PPRC1: variants seen among roughly 807,000 people sequenced by gnomAD.
PPRC1 encodes PPARG related coactivator 1, also known as peroxisome proliferator-activated receptor gamma coactivator-related protein 1.
In PPRC1, 23 loss-of-function variants were observed where a neutral mutation model predicts 132.5. That is an observed-to-expected ratio of 0.17 (90% confidence interval 0.12 to 0.25). The LOEUF is 0.25. Ranked by LOEUF, PPRC1 falls within the 10% of genes least tolerant of loss-of-function variation. PPRC1 has a pLI of 1.00. For missense variants in PPRC1, 2,006 were observed against 2,089.1 expected, an observed-to-expected ratio of 0.96 and a Z score of 0.78; for synonymous variants, 872 against 833.5, an observed-to-expected ratio of 1.05 and a Z score of -0.80.
intron 8 of PPRC1, 84 bp from the exon 9 acceptor site, chr10:102,146,588 G>A (rs1157650263): frequency 2.0e-6 from 3 of 1,483,020 alleles, no homozygotes; most frequent in Non-Finnish European, 2.7e-6. Flanking sequence ...ATGAGGTGGG[G>A]GTCTCTGGAG....
the PPRC1 span, chr10:102,120,054 G>C: frequency 3.5e-6 from 5 of 1,424,728 alleles, no homozygotes; most frequent in Non-Finnish European, 4.7e-6. Context: ...GGCTGGGCAG[G>C]AAGGGGCCGA....
rs1236923238 is a variant in PPRC1 at position 102,150,160 on chromosome 10, TA to T, written c.*137del. On this transcript the variant is annotated 3_prime_UTR_variant, in exon 14 of 14. Coordinates refer to ENST00000278070, the MANE Select transcript of PPRC1 (RefSeq NM_015062.5). ...TATAAAGAAATGGAAAAAAGTGAAA[TA>T]AAAAATATGTTGAATCAGATTTTTT... is the stretch of plus-strand genomic sequence containing the variant. 1.5e-6 allele frequency: 1 copy of T among 663,508 alleles called. No individual in the cohort carries two copies. The highest frequency in any genetic ancestry group is 2.6e-6 in the Non-Finnish European group (1 of 384,318). The allele number at this position is 663,508 out of a possible 1,614,324, so 41.1% of individuals were successfully genotyped here.
intron 7 of PPRC1, 114 bp downstream of exon 7, chr10:102,144,421 A>T: frequency 9.9e-7 from 1 of 1,010,574 alleles, no homozygotes; most frequent in Non-Finnish European, 1.5e-6. Context: ...TCAGCTCTAG[A>T]GTCTTTCCCT....
Position 102,140,115 on chromosome 10 carries a change from G to A in PPRC1, c.1607G>A (p.Ser536Asn). 1 of 1,614,258 alleles carries A rather than the reference G, an allele frequency of 6.2e-7. No homozygotes were observed. The highest frequency in any genetic ancestry group is 8.5e-7 in the Non-Finnish European group (1 of 1,180,050). ...RAWAAALENS[S>N]PKNLERSAGQ... ...TGGGCAGCTGCCTTGGAGAATTCTA[G>A]CCCTAAGAACTTGGAGAGAAGTGCT... The change falls in exon 5 of 14, where the codon AGC becomes AAC. Residue 536 changes from serine (S) to asparagine (N), a missense_variant. Ser to Asn is a conservative substitution (Grantham distance 46). Around this residue, in one of 2 missense-constraint regions of PPRC1, gnomAD observed 1,914 missense variants for 1,917.2 expected, o/e 1.00. Coordinates refer to ENST00000278070, the MANE Select transcript of PPRC1 (RefSeq NM_015062.5).
rs773686125 is a variant in PPRC1 at position 102,148,858 on chromosome 10, C to T, written c.4659C>T (p.Arg1553=). 64 of 1,614,010 alleles carry T rather than the reference C, an allele frequency of 4.0e-5. No individual in the cohort carries two copies. The highest frequency in any genetic ancestry group is 5.0e-5 in the Non-Finnish European group (59 of 1,180,028). ...TCTTCATTGGAAAGATACCTGGCCG[C>T]ATGACTCGATCAGAGCTGAAACAGA... ...RVVFIGKIPG[R]MTRSELKQRF... Residue 1553 remains arginine, a synonymous_variant, in exon 12 of 14, where the codon CGC becomes CGT. Transcript: ENST00000278070. This position sits in a 1 kb window ranked among gnomAD's most constrained non-coding sequence, Gnocchi z 4.2.
chr10:102,140,288 C>G lies in PPRC1; in HGVS notation c.1780C>G (p.Pro594Ala). ...GCCAGTTGACTCTGTTGAAGCTGAT[C>G]CCACTGCAGTTGGCCCTGTTCTAGC... The part of the protein sequence containing the change: ...PMPVDSVEAD[P>A]TAVGPVLAGP... Residue 594 changes from proline (P) to alanine (A), a missense_variant, in exon 5 of 14, where the codon CCC (proline) becomes GCC (alanine). Coordinates refer to ENST00000278070, the MANE Select transcript of PPRC1 (RefSeq NM_015062.5). The G allele has an allele frequency of 1.2e-6, 2 of 1,614,246 alleles. No homozygotes were observed. The highest frequency in any genetic ancestry group is 1.7e-6 in the Non-Finnish European group (2 of 1,180,038).
chr10:102,122,763 C>T, the PPRC1 span, among the ~76,000 whole-genome samples: 6 of 152,150 alleles, frequency 3.9e-5, no homozygotes, highest in African/African-American at 7.2e-5. Flanking sequence ...AGATTTCCCT[C>T]TCCTAGATTA....
chr10:102,139,072 C>T, intron 4 of PPRC1, 28 bp from the exon 5 acceptor site: 2 of 1,607,656 alleles, frequency 1.2e-6, no homozygotes, highest in Non-Finnish European at 1.7e-6. Context: ...AAGAAAACTC[C>T]TCCTGAGACC....
chr10:102,145,548 G>C (rs1040700968), intron 8 of PPRC1, among the ~76,000 whole-genome samples: 2 of 150,606 alleles, frequency 1.3e-5, no homozygotes, highest in African/African-American at 4.9e-5. Flanking sequence ...TCCAGCCTGG[G>C]GGACAGAGCA....
chr10:102,136,722 C>T (rs994678122), intron 1 of PPRC1, among the ~76,000 whole-genome samples: 1 of 152,234 alleles, frequency 6.6e-6, no homozygotes, highest in Admixed American at 6.5e-5. Flanking sequence ...TTTCAGGCAT[C>T]TACTGGGGAT....
At chr10:102,138,821 G>A in intron 3 of PPRC1, 56 bp downstream of exon 3, 2 of 1,612,508 alleles carry the variant, frequency 1.2e-6, no homozygotes, top group African/African-American at 2.7e-5. Flanking sequence ...CATGCCTGTG[G>A]ACCTACTCAT....
intron 12 of PPRC1, 38 bp from the exon 13 acceptor site, chr10:102,149,140 T>C (rs1471740246): frequency 6.4e-7 from 1 of 1,550,604 alleles, no homozygotes; most frequent in East Asian, 2.3e-5. Context: ...TGGGCCCATA[T>C]AGCCACTCCA....
In PPRC1 at chr10:102,148,759, G is replaced by A; in HGVS notation, c.4618-58G>A. On this transcript the variant is annotated intron_variant, in intron 11 of 13. Coordinates refer to ENST00000278070, the MANE Select transcript of PPRC1 (RefSeq NM_015062.5). This position sits in a 1 kb window ranked among gnomAD's most constrained non-coding sequence, Gnocchi z 4.2. ...CCCTGAGCCTTGAGCTCAGAGAGCT[G>A]CCTGCAGCTGTAGCCCTGGCTAATG... 6.2e-7 allele frequency: 1 copy of A among 1,614,134 alleles called. No homozygotes were observed. Among genetic ancestry groups the A allele is most frequent in the Non-Finnish European group, 8.5e-7 (1 of 1,179,966 alleles).
rs1280352556 is a variant in PPRC1 at position 102,139,610 on chromosome 10, GTC to G, written c.1107_1108del (p.Pro370TrpfsTer9). 6.2e-7 allele frequency: 1 copy of G among 1,613,816 alleles called. No individual in the cohort carries two copies. Among genetic ancestry groups the G allele is most frequent in the Non-Finnish European group, 8.5e-7 (1 of 1,180,020 alleles). ...DLEIPVVVRQ[V>X]SPGPRPVLLD... ...GGAGATCCCAGTTGTGGTGCGACAG[GTC>G]TCTCCTGGACCCCGGCCTGTGCTCC... On this transcript the variant is annotated frameshift_variant, in exon 5 of 14. Coordinates refer to ENST00000278070, the MANE Select transcript of PPRC1 (RefSeq NM_015062.5). LOFTEE classifies it high-confidence loss of function.
upstream of PPRC1, among the ~76,000 whole-genome samples, chr10:102,128,609 CTTT>C (rs544861268): frequency 7.0e-6 from 1 of 143,114 alleles, no homozygotes; most frequent in Admixed American, 7.0e-5. Context: ...CAGCTGCAGT[CTTT>C]TTTTTTTTTT....
chr10:102,129,084 C>A (rs1002042546), upstream of PPRC1, among the ~76,000 whole-genome samples: 16 of 150,708 alleles, frequency 1.1e-4, no homozygotes, highest in African/African-American at 3.9e-4. Context: ...CGCCCGCCAC[C>A]ACGCCCGGCT....
At chr10:102,145,205 C>T (rs561879823) in intron 8 of PPRC1, 115 bp downstream of exon 8, 1 of 969,348 alleles carries the variant, frequency 1.0e-6, no homozygotes, top group South Asian at 1.7e-5. Flanking sequence ...GATCTCCAGC[C>T]TTGAGATACT....
At chr10:102,120,784 G>C in the PPRC1 span, among the ~76,000 whole-genome samples, 1 of 152,270 alleles carries the variant, frequency 6.6e-6, no homozygotes, top group South Asian at 2.1e-4. Context: ...GGGGAGTCTG[G>C]CTGAGCCGGA....
At chr10:102,143,822 G>C (rs1044617923) in intron 6 of PPRC1, among the ~76,000 whole-genome samples, 1 of 152,198 alleles carries the variant, frequency 6.6e-6, no homozygotes, top group Non-Finnish European at 1.5e-5. Flanking sequence ...CGTGGATGTA[G>C]GTGCTATGGA....
Sources: allele counts gnomAD v4.1 joint callset (sites outside exome capture counted in the v4.1 genomes callset), GRCh38; gene constraint gnomAD v4.1.1; regional missense constraint gnomAD v4.1.1; non-coding constraint Gnocchi (gnomAD v3.1); transcripts MANE v1.5; gene names NCBI Gene and HGNC (gene_info 2026-07-23, HGNC 2026-07-21).